The following DLGAP2 variants were observed in gnomAD, a reference collection of about 807,000 sequenced individuals.
The protein encoded by DLGAP2 is disks large-associated protein 2.
In DLGAP2, 26 loss-of-function variants were observed where a neutral mutation model predicts 100.3. That is an observed-to-expected ratio of 0.26 (90% CI 0.19 to 0.36). The LOEUF is 0.36. DLGAP2 is among the 10% of genes least tolerant of loss of function. The pLI, the probability that DLGAP2 is intolerant of heterozygous loss-of-function variation, is 1.00. For missense variants in DLGAP2, 1,858 were observed against 1,453.2 expected, an observed-to-expected ratio of 1.28 and a Z score of -4.53; for synonymous variants, 886 against 630.1, an observed-to-expected ratio of 1.41 and a Z score of -6.08.
At chr8:963,035 C>G (rs1361542679) in intron 2 of DLGAP2, among the ~76,000 whole-genome samples, 5 of 152,204 alleles carry the variant, frequency 3.3e-5, no homozygotes, top group Non-Finnish European at 5.9e-5. Context: ...GGCTGCTGTG[C>G]CCCTCTCATC....
chr8:782,524 T>G (rs554854716), intron 1 of DLGAP2, among the ~76,000 whole-genome samples: 36 of 152,318 alleles, frequency 2.4e-4, no homozygotes, highest in Admixed American at 7.2e-4. Flanking sequence ...TCTCTACATG[T>G]CAATATTTGA....
chr8:1,305,415 A>G (rs1203086967), intron 3 of DLGAP2, among the ~76,000 whole-genome samples: 2 of 152,210 alleles, frequency 1.3e-5, no homozygotes, highest in Non-Finnish European at 2.9e-5. Context: ...AAAAGAAATT[A>G]GTCCTTACAG....
chr8:1,282,672 C>A (rs1310777573), intron 3 of DLGAP2, among the ~76,000 whole-genome samples: 1 of 135,924 alleles, frequency 7.4e-6, no homozygotes, highest in Non-Finnish European at 1.6e-5. Context: ...CGTGGTGTGA[C>A]CTGAACCCAG....
intron 2 of DLGAP2, among the ~76,000 whole-genome samples, chr8:1,153,000 A>C (rs776542159): frequency 1.8e-4 from 27 of 152,208 alleles, no homozygotes; most frequent in African/African-American, 2.4e-5. Flanking sequence ...ATTCTGTAGA[A>C]ATTTAAAATG....
chr8:1,613,778 C>A (rs1797060700), intron 6 of DLGAP2, among the ~76,000 whole-genome samples: 1 of 152,160 alleles, frequency 6.6e-6, no homozygotes, highest in Non-Finnish European at 1.5e-5. Context: ...GGTCTCCATT[C>A]TGAATTCATG....
chr8:781,579 A>G (rs573204243), intron 1 of DLGAP2, among the ~76,000 whole-genome samples: 106 of 152,220 alleles, frequency 7.0e-4, no homozygotes, highest in Non-Finnish European at 1.4e-3. Context: ...CATTAAACCT[A>G]TGAATGACTG....
intron 7 of DLGAP2, among the ~76,000 whole-genome samples, chr8:1,631,014 C>CG (rs1797631086): frequency 6.7e-6 from 1 of 149,998 alleles, no homozygotes; most frequent in Non-Finnish European, 1.5e-5. Context: ...GCGGGAGGTC[C>CG]GGGTGTCCCG....
intron 2 of DLGAP2, among the ~76,000 whole-genome samples, chr8:1,085,261 A>C (rs1396522308): frequency 1.3e-5 from 2 of 152,182 alleles, no homozygotes; most frequent in African/African-American, 4.8e-5. Context: ...TTTGGATATT[A>C]ATCCCTTATC....
At chr8:1,365,220 C>A (rs1451359658) in intron 3 of DLGAP2, among the ~76,000 whole-genome samples, 3 of 152,160 alleles carry the variant, frequency 2.0e-5, no homozygotes, top group Non-Finnish European at 4.4e-5. Context: ...CACACCTGCA[C>A]CTGGGAGACA....
chr8:1,447,485 TG>T (rs1206497807), intron 3 of DLGAP2, among the ~76,000 whole-genome samples: 1 of 152,224 alleles, frequency 6.6e-6, no homozygotes. Flanking sequence ...GGATTCGGTT[TG>T]CCAGTATTTT....
intron 2 of DLGAP2, among the ~76,000 whole-genome samples, chr8:1,030,041 G>A (rs1427174916): frequency 6.6e-6 from 1 of 152,132 alleles, no homozygotes; most frequent in Non-Finnish European, 1.5e-5. Context: ...CTTATTACCT[G>A]GATGTCATTA....
At chr8:1,501,959 C>G (rs973904031) in intron 4 of DLGAP2, among the ~76,000 whole-genome samples, 10 of 152,198 alleles carry the variant, frequency 6.6e-5, no homozygotes, top group African/African-American at 2.4e-4. Context: ...GAGCTGCCAC[C>G]AGCACAGCAA....
chr8:1,656,478 A>G (rs962483080), intron 8 of DLGAP2, among the ~76,000 whole-genome samples: 1 of 152,146 alleles, frequency 6.6e-6, no homozygotes, highest in Non-Finnish European at 1.5e-5. Flanking sequence ...TGCAGCCACC[A>G]CTGCGTATTT....
At chr8:828,346 T>A (rs1796720325) in intron 1 of DLGAP2, among the ~76,000 whole-genome samples, 2 of 152,228 alleles carry the variant, frequency 1.3e-5, no homozygotes, top group South Asian at 4.1e-4. Flanking sequence ...TTCAGAGACC[T>A]ACCCCTAGGT....
At position 1,101,741 on chromosome 8, in the gene DLGAP2, C is replaced by G. The variant is rs372056273; in HGVS notation, c.74-157110C>G. Among the ~76,000 whole-genome samples, 287 of 47,804 alleles carry G rather than the reference C, an allele frequency of 6.0e-3. 1 individual carries two copies. Among genetic ancestry groups the G allele is most frequent in the East Asian group, 0.039 (52 of 1,340 alleles). 31.4% of individuals were successfully genotyped at this position (47,804 alleles called of 152,430 possible). A position where few individuals can be genotyped will look rare whatever the true frequency, so the allele number is the denominator to read the frequency against. On this transcript the variant is annotated intron_variant, in intron 2 of 14. Transcript: ENST00000637795. Reference sequence around the variant, plus strand: ...CCGAACACGACACGACGATGGGAAGCTCCTCGTCACCCCTGAGCCGAACAC... The same window carrying G: ...CCGAACACGACACGACGATGGGAAGGTCCTCGTCACCCCTGAGCCGAACAC...
At chr8:822,137 C>T (rs959744707) in intron 1 of DLGAP2, 15 of 399,526 alleles carry the variant, frequency 3.8e-5, no homozygotes, top group Non-Finnish European at 4.4e-6. Flanking sequence ...CGCGGCTTCC[C>T]TCGCGGCTGC....
At chr8:1,528,872 G>A (rs1215716313) in intron 4 of DLGAP2, among the ~76,000 whole-genome samples, 1 of 151,030 alleles carries the variant, frequency 6.6e-6, no homozygotes, top group African/African-American at 2.4e-5. Flanking sequence ...GGTGCTTCCA[G>A]GCAGAAAATA....
chr8:782,253 G>A (rs910120059), intron 1 of DLGAP2, among the ~76,000 whole-genome samples: 5 of 151,636 alleles, frequency 3.3e-5, no homozygotes, highest in Admixed American at 3.3e-4. Context: ...AAAAACAGAA[G>A]AGAGGGGATT....
intron 1 of DLGAP2, among the ~76,000 whole-genome samples, chr8:760,288 T>C (rs1353851815): frequency 6.6e-6 from 1 of 152,192 alleles, no homozygotes; most frequent in Non-Finnish European, 1.5e-5. Flanking sequence ...TCCTGAAGTC[T>C]TCACTGTGAC....
Sources: gnomAD v4.1 joint callset for allele counts (sites outside exome capture counted in the v4.1 genomes callset) on GRCh38, gnomAD v4.1.1 for gene constraint, MANE v1.5 for transcripts, NCBI Gene and HGNC (gene_info 2026-07-23, HGNC 2026-07-21) for gene names.